The following ZNF644 variants were observed in gnomAD, a reference collection of about 807,000 sequenced individuals.
The protein encoded by ZNF644 is zinc finger motif enhancer binding protein 2.
ZNF644 carries 20 observed loss-of-function variants against 108.0 expected under a neutral mutation model. That is an observed-to-expected ratio of 0.19 (90% CI 0.13 to 0.27). The LOEUF (loss-of-function observed/expected upper bound fraction) is 0.27, where lower values mean the gene tolerates loss of function less well. Ranked by LOEUF, ZNF644 falls within the 10% of genes least tolerant of loss-of-function variation. The pLI, the probability that ZNF644 is intolerant of heterozygous loss-of-function variation, is 1.00. For synonymous variants in ZNF644, 542 were observed against 539.1 expected, an observed-to-expected ratio of 1.01 and a Z score of -0.08; for missense variants, 1,338 against 1,548.9, an observed-to-expected ratio of 0.86 and a Z score of 2.29.
intron 1 of ZNF644, among the ~76,000 whole-genome samples, chr1:91,005,644 T>C (rs356350): frequency 1.2e-4 from 19 of 152,150 alleles, no homozygotes; most frequent in African/African-American, 4.6e-4. Flanking sequence ...TAAGTTAATA[T>C]GTGGAAATTA....
chr1:90,937,888 T>C lies in ZNF644; in HGVS notation c.3285A>G (p.Ala1095=), dbSNP rs1320223948. 6 of 1,613,776 alleles carry C rather than the reference T, an allele frequency of 3.7e-6. No individual in the cohort carries two copies. In the East Asian group the frequency reaches 6.7e-5, roughly 18 times the overall value. The change falls in exon 4 of 6, where the codon GCA becomes GCG. Residue 1095 remains alanine (A), a synonymous_variant. Coordinates refer to ENST00000337393, the MANE Select transcript of ZNF644 (RefSeq NM_201269.3). ...NEEKYEKILK[A]LNSRRIIPRP... is the part of the protein sequence containing the mutation. ...TGGGAATAATACGACGACTGTTCAA[T>C]GCCTTTAAGATTTTTTCATATTTTT...
intron 2 of ZNF644, among the ~76,000 whole-genome samples, chr1:90,966,418 T>A (rs1426621465): frequency 6.6e-6 from 1 of 152,126 alleles, no homozygotes; most frequent in East Asian, 1.9e-4. Context: ...GCCTAGAGTG[T>A]TCCATTTTGA....
At chr1:90,994,239 T>C (rs146010630) in intron 1 of ZNF644, among the ~76,000 whole-genome samples, 1 of 152,302 alleles carries the variant, frequency 6.6e-6, no homozygotes, top group East Asian at 1.9e-4. Flanking sequence ...GAAATTACTA[T>C]GGAAGAAATC....
rs1648763778 is a variant in ZNF644, at chr1:90,916,385, AATAC to A, written c.*409_*412del. On this transcript the variant is annotated 3_prime_UTR_variant, in exon 6 of 6. Coordinates refer to ENST00000337393, the MANE Select transcript of ZNF644 (RefSeq NM_201269.3). Reference sequence around the variant, plus strand: ...GTTCTTGGTATTATACAAAACACTAAATACATACAAACAAAATATAATATCTTAT... The same window carrying A: ...GTTCTTGGTATTATACAAAACACTAAATACAAACAAAATATAATATCTTAT... 4.8e-6 allele frequency: 1 copy of A among 207,104 alleles called. No homozygotes were observed. 12.8% of individuals were successfully genotyped at this position (207,104 alleles called of 1,614,324 possible).
chr1:90,938,948 A>G lies in ZNF644; in HGVS notation c.2406T>C (p.Asp802=). ...PDAKRPESFK[D]HRRVAVKRVI... The stretch of plus-strand genomic sequence containing the variant: ...CTCTCTTTACAGCTACACGTCTGTG[A>G]TCTTTGAAGCTTTCAGGCCTTTTGG... Residue 802 remains aspartate, a synonymous_variant, in exon 3 of 6, where the codon GAT becomes GAC. Transcript: ENST00000337393. The surrounding 1 kb of genome is among the most constrained non-coding windows in gnomAD (Gnocchi z 4.2). The G allele has an allele frequency of 6.2e-7, 1 of 1,614,024 alleles. No individual in the cohort carries two copies. Among genetic ancestry groups the G allele is most frequent in the Admixed American group, 1.7e-5 (1 of 60,018 alleles).
Position 90,938,177 on chromosome 1 carries a change from T to C in ZNF644, c.3083-87A>G, listed in dbSNP as rs1356108798. On this transcript the variant is annotated intron_variant, in intron 3 of 5. Coordinates refer to ENST00000337393, the MANE Select transcript of ZNF644 (RefSeq NM_201269.3). The surrounding 1 kb of genome is among the most constrained non-coding windows in gnomAD (Gnocchi z 4.2). ...GAGTTAATTCTGAAACATAAAATTA[T>C]GATTCTAATAAAGACTAAATTCAAA... The C allele has an allele frequency of 1.2e-6, 2 of 1,606,554 alleles. No homozygotes were observed. Among genetic ancestry groups the C allele is most frequent in the African/African-American group, 2.7e-5 (2 of 74,536 alleles).
At chr1:90,968,432 G>A (rs542308422) in intron 2 of ZNF644, among the ~76,000 whole-genome samples, 1 of 152,030 alleles carries the variant, frequency 6.6e-6, no homozygotes, top group Non-Finnish European at 1.5e-5. Flanking sequence ...TTCGGTTTTG[G>A]GGGGGGAGCC....
At chr1:90,957,723 G>A (rs1296631451) in intron 2 of ZNF644, among the ~76,000 whole-genome samples, 1 of 152,094 alleles carries the variant, frequency 6.6e-6, no homozygotes, top group Non-Finnish European at 1.5e-5. Flanking sequence ...AAAGAGACAA[G>A]GCTACCACTT....
intron 2 of ZNF644, among the ~76,000 whole-genome samples, chr1:90,944,561 A>G (rs1218660833): frequency 2.0e-5 from 3 of 152,186 alleles, no homozygotes; most frequent in African/African-American, 7.2e-5. Context: ...CTTCTGCATC[A>G]GTTTGAAAAT....
At chr1:91,014,506 T>C (rs908036170) in intron 1 of ZNF644, among the ~76,000 whole-genome samples, 3 of 152,324 alleles carry the variant, frequency 2.0e-5, no homozygotes, top group East Asian at 1.9e-4. Flanking sequence ...ATTTTACTTA[T>C]ATACAATTCT....
chr1:90,993,217 CATG>C (rs1240053064), intron 1 of ZNF644, among the ~76,000 whole-genome samples: 3 of 152,020 alleles, frequency 2.0e-5, no homozygotes, highest in Admixed American at 2.0e-4. Context: ...TTGCCACCAC[CATG>C]ATAACAAGCC....
chr1:90,982,172 A>G (rs532566795), intron 2 of ZNF644, 138 bp downstream of exon 2: 1 of 677,696 alleles, frequency 1.5e-6, no homozygotes, highest in Non-Finnish European at 2.5e-6. Context: ...AAGTGTGTCA[A>G]AAAGTCAATT....
intron 1 of ZNF644, among the ~76,000 whole-genome samples, chr1:91,001,470 C>T (rs1161474265): frequency 6.6e-6 from 1 of 152,206 alleles, no homozygotes; most frequent in South Asian, 2.1e-4. Flanking sequence ...AAAAGGCCTT[C>T]AACAAAATTC....
chr1:91,019,633 C>T (rs901822816), intron 1 of ZNF644, among the ~76,000 whole-genome samples: 2 of 152,116 alleles, frequency 1.3e-5, no homozygotes, highest in African/African-American at 2.4e-5. Flanking sequence ...TGCAGTGCCA[C>T]GATCTCAGCT....
chr1:90,967,708 T>A (rs75883348), intron 2 of ZNF644, among the ~76,000 whole-genome samples: 17,591 of 151,890 alleles, frequency 0.12, 1,050 homozygotes, highest in South Asian at 0.15. Flanking sequence ...ACACATTGCA[T>A]ATTTCTGGGT....
chr1:91,021,779 T>C (rs1418430393), intron 1 of ZNF644: 1 of 369,118 alleles, frequency 2.7e-6, no homozygotes, highest in East Asian at 3.9e-5. Context: ...CTCCGCCTCC[T>C]CGGCCGCCGC....
At chr1:90,999,730 G>C (rs527965576) in intron 1 of ZNF644, among the ~76,000 whole-genome samples, 1 of 152,244 alleles carries the variant, frequency 6.6e-6, no homozygotes, top group Admixed American at 6.5e-5. Flanking sequence ...CCAATTAAAA[G>C]ACACAGACTG....
intron 4 of ZNF644, among the ~76,000 whole-genome samples, chr1:90,923,866 AAAGTAGG>A (rs1488890991): frequency 6.6e-6 from 1 of 152,160 alleles, no homozygotes; most frequent in Admixed American, 6.6e-5. Flanking sequence ...TTTGTCCTAC[AAAGTAGG>A]AAGTTAAATT....
chr1:90,959,480 A>ATC (rs1421366550), intron 2 of ZNF644, among the ~76,000 whole-genome samples: 1 of 152,226 alleles, frequency 6.6e-6, no homozygotes, highest in Non-Finnish European at 1.5e-5. Context: ...ATAAAAGTGA[A>ATC]ATAGTAAAAA....
Sources: allele counts gnomAD v4.1 joint callset (sites outside exome capture counted in the v4.1 genomes callset), GRCh38; gene constraint gnomAD v4.1.1; non-coding constraint Gnocchi (gnomAD v3.1); transcripts MANE v1.5; gene names NCBI Gene and HGNC (gene_info 2026-07-23, HGNC 2026-07-21).